Variants in MIOS observed in about 807,000 individuals in gnomAD.
MIOS encodes meiosis regulator for oocyte development.
Under a neutral mutation model 96.9 loss-of-function variants are expected in MIOS, and 52 were observed. That is an observed-to-expected ratio of 0.54 (90% CI 0.43 to 0.68). The LOEUF (loss-of-function observed/expected upper bound fraction) is 0.68, where lower values mean the gene tolerates loss of function less well. Ranked by LOEUF, MIOS falls within the 30% of genes least tolerant of loss-of-function variation. The probability of loss-of-function intolerance (pLI) is 0.00; values close to 1 mark genes in which losing one functional copy is unlikely to be tolerated. For missense variants in MIOS, 1,005 were observed against 1,052.8 expected (o/e 0.95, Z 0.63); for synonymous variants, 397 against 359.5 (o/e 1.10, Z -1.18).
At chr7:7,598,619 G>A (rs1012324336) in intron 11 of MIOS, among the ~76,000 whole-genome samples, 2 of 152,094 alleles carry the variant, frequency 1.3e-5, no homozygotes, top group Non-Finnish European at 2.9e-5. Context: ...ACATATATGT[G>A]TATGAACTGA....
chr7:7,571,496 G>A lies in MIOS; in HGVS notation c.-40-940G>A, dbSNP rs542756916. Among the ~76,000 whole-genome samples, 14 of 152,184 alleles carry A rather than the reference G, an allele frequency of 9.2e-5. No homozygotes were observed. The East Asian group carries it at 2.7e-3, about 29-fold the overall frequency. On this transcript the variant is annotated intron_variant, in intron 3 of 12. Coordinates refer to ENST00000340080, the MANE Select transcript of MIOS (RefSeq NM_019005.4). Reference sequence around the variant, plus strand: ...TTTAATAGTTATATATTTCAGTGTAGGTTAAAAATATATTTAGCATAGCAT... The same window carrying A: ...TTTAATAGTTATATATTTCAGTGTAAGTTAAAAATATATTTAGCATAGCAT...
rs1210979582 is a variant in MIOS, at chr7:7,605,804, A to G, written c.2402-138A>G. On this transcript the variant is annotated intron_variant, in intron 11 of 12. Transcript: ENST00000340080. ...CATTCAGTTTCGCTTCATCTAAACT[A>G]GAACCTACCATCAAAATTGCTATTT... The G allele has an allele frequency of 4.3e-5, 36 of 837,362 alleles. 1 individual carries two copies. Among genetic ancestry groups the G allele is most frequent in the South Asian group, 2.3e-4 (11 of 48,384 alleles). The allele number at this position is 837,362 out of a possible 1,614,324, so 51.9% of individuals were successfully genotyped here.
intron 6 of MIOS, among the ~76,000 whole-genome samples, chr7:7,583,840 A>T (rs1298799459): frequency 6.6e-6 from 1 of 152,198 alleles, no homozygotes; most frequent in Non-Finnish European, 1.5e-5. Context: ...TGTTATAAAA[A>T]GCATACTTTG....
rs2115430634 is a variant in MIOS at position 7,588,528 on chromosome 7, G to A, written c.1849G>A (p.Val617Met). Reference protein sequence around the residue: ...YENKVAVRDRVAFACKFLSDT... With the variant: ...YENKVAVRDRMAFACKFLSDT... Reference sequence around the variant, plus strand: ...AAACAAAGTTGCAGTACGTGACAGAGTGGCATTTGCTTGTAAATTCCTTAG... The same window carrying A: ...AAACAAAGTTGCAGTACGTGACAGAATGGCATTTGCTTGTAAATTCCTTAG... Residue 617 changes from valine (V) to methionine (M), a missense_variant, in exon 8 of 13, where the codon GTG becomes ATG. Coordinates refer to ENST00000340080, the MANE Select transcript of MIOS (RefSeq NM_019005.4). The A allele has an allele frequency of 6.3e-7, 1 of 1,593,532 alleles. No individual in the cohort carries two copies. The highest frequency in any genetic ancestry group is 2.3e-5 in the East Asian group (1 of 44,280).
chr7:7,583,282 G>A lies in MIOS; in HGVS notation c.1558G>A (p.Glu520Lys). 3 of 1,614,106 alleles carry A rather than the reference G, an allele frequency of 1.9e-6. No homozygotes were observed. Among genetic ancestry groups the A allele is most frequent in the Non-Finnish European group, 2.5e-6 (3 of 1,180,000 alleles). Residue 520 changes from glutamate (E) to lysine (K), a missense_variant, in exon 6 of 13, where the codon GAA becomes AAA. Physicochemically the swap from Glu to Lys is moderately conservative, Grantham distance 56 (BLOSUM62 1). Transcript: ENST00000340080. ...PFLNSLVQEGEWERAAAVALF... is the reference protein window; with the variant it reads ...PFLNSLVQEGKWERAAAVALF... ...TTTGAACTCCCTTGTACAAGAAGGG[G>A]AATGGGAAAGAGCTGCTGCTGTGGC...
intron 11 of MIOS, 130 bp from the exon 12 acceptor site, chr7:7,605,812 C>T (rs994418658): frequency 3.7e-5 from 32 of 874,572 alleles, no homozygotes; most frequent in Non-Finnish European, 4.0e-5. Flanking sequence ...CTAGAACCTA[C>T]CATCAAAATT....
At chr7:7,588,462 C>T in intron 7 of MIOS, 36 bp from the exon 8 acceptor site, 1 of 1,456,672 alleles carries the variant, frequency 6.9e-7, no homozygotes, top group Non-Finnish European at 9.3e-7. Flanking sequence ...ACCAGTGCGC[C>T]TAGAAGTAAC....
At chr7:7,579,015 C>A (rs978722541) in intron 5 of MIOS, among the ~76,000 whole-genome samples, 3 of 152,074 alleles carry the variant, frequency 2.0e-5, no homozygotes, top group Admixed American at 6.5e-5. Flanking sequence ...CTGGCCTAAA[C>A]CCTGATTTTT....
In MIOS at chr7:7,583,737, AT is replaced by A. The variant is rs1783801458; in HGVS notation, c.1648+368del. On this transcript the variant is annotated intron_variant, in intron 6 of 12. Transcript: ENST00000340080. Reference sequence around the variant, plus strand: ...GCCTACAAGTATTTTTACGATCCATATTTGAGTGTTTTAGTTTATACTTTCT... The same window carrying A: ...GCCTACAAGTATTTTTACGATCCATATTGAGTGTTTTAGTTTATACTTTCT... 5.9e-5 allele frequency among the ~76,000 whole-genome samples: 9 copies of A among 152,278 alleles called. 1 individual carries two copies. The South Asian group carries it at 1.9e-3, about 32-fold the overall frequency.
At chr7:7,587,640 A>G (rs929797323) in intron 7 of MIOS, among the ~76,000 whole-genome samples, 5 of 152,190 alleles carry the variant, frequency 3.3e-5, no homozygotes, top group African/African-American at 1.2e-4. Context: ...AAAATTTTGT[A>G]ACATATGCAA....
rs1160014676 is a variant in MIOS at position 7,580,124 on chromosome 7, TA to T, written c.1394-2992del. The stretch of plus-strand genomic sequence containing the variant: ...GAGAGATATGAAAATACACACCTTA[TA>T]ATACATCTCAGCCTCTACCTGAAAT... On this transcript the variant is annotated intron_variant, in intron 5 of 12. Coordinates refer to ENST00000340080, the MANE Select transcript of MIOS (RefSeq NM_019005.4). 7.9e-5 allele frequency among the ~76,000 whole-genome samples: 12 copies of T among 152,364 alleles called. No homozygotes were observed. In the East Asian group the frequency reaches 2.3e-3, roughly 29 times the overall value.
At chr7:7,606,106 G>C in intron 12 of MIOS, 35 bp downstream of exon 12, 1 of 1,610,856 alleles carries the variant, frequency 6.2e-7, no homozygotes, top group Middle Eastern at 1.7e-4. Flanking sequence ...TAGGCTTGGA[G>C]TTATGGGGGA....
rs528737913 is a variant in MIOS, at chr7:7,582,720, G to C, written c.1394-398G>C. Reference sequence around the variant, plus strand: ...AAACAGACAAGACACCTGCCCTTTTGGAGCTTATGCGCTACTGGGAGAAGA... The same window carrying C: ...AAACAGACAAGACACCTGCCCTTTTCGAGCTTATGCGCTACTGGGAGAAGA... On this transcript the variant is annotated intron_variant, in intron 5 of 12. Transcript: ENST00000340080. 29 of 595,248 alleles carry C rather than the reference G, an allele frequency of 4.9e-5. No individual in the cohort carries two copies. In the South Asian group the frequency reaches 2.0e-3, roughly 41 times the overall value. 36.9% of individuals were successfully genotyped at this position (595,248 alleles called of 1,614,324 possible).
chr7:7,597,480 A>AAATTT (rs1294868709), intron 11 of MIOS, among the ~76,000 whole-genome samples: 1 of 32,920 alleles, frequency 3.0e-5, no homozygotes. Context: ...ATATATATAT[A>AAATTT]TATATATATA....
intron 5 of MIOS, among the ~76,000 whole-genome samples, chr7:7,578,652 T>C (rs140386288): frequency 1.6e-3 from 241 of 152,238 alleles, no homozygotes; most frequent in African/African-American, 5.7e-3. Flanking sequence ...ATGAAACAAA[T>C]TAGTAGCTAC....
chr7:7,589,661 C>T, intron 9 of MIOS, 98 bp downstream of exon 9: 1 of 1,320,778 alleles, frequency 7.6e-7, no homozygotes, highest in Admixed American at 2.2e-5. Flanking sequence ...TGCTTAGGAT[C>T]TTTAGAAGGC....
chr7:7,589,914 C>G (rs942016263), intron 9 of MIOS, among the ~76,000 whole-genome samples: 6 of 152,166 alleles, frequency 3.9e-5, no homozygotes, highest in Middle Eastern at 3.2e-3. Flanking sequence ...TATAGTCTTA[C>G]TTGAAGTGCT....
Position 7,576,889 on chromosome 7 carries a change from A to G in MIOS, c.1393+2693A>G, listed in dbSNP as rs79478348. 3.5e-3 allele frequency among the ~76,000 whole-genome samples: 538 copies of G among 152,304 alleles called. 9 individuals carry two copies. The highest frequency in any genetic ancestry group is 0.011 in the African/African-American group (466 of 41,576). ...AGATAAAGGGGTGGAGAAGATGGAA[A>G]AGTCAAAGGTAGCACACATATATTT... On this transcript the variant is annotated intron_variant, in intron 5 of 12. Transcript: ENST00000340080.
intron 11 of MIOS, among the ~76,000 whole-genome samples, chr7:7,596,691 T>C (rs980530001): frequency 6.6e-6 from 1 of 152,198 alleles, no homozygotes; most frequent in South Asian, 2.1e-4. Flanking sequence ...CAATTTAAAG[T>C]TTGTGAGAAA....
Sources: gnomAD v4.1 joint callset for allele counts (sites outside exome capture counted in the v4.1 genomes callset) on GRCh38, gnomAD v4.1.1 for gene constraint, MANE v1.5 for transcripts, NCBI Gene and HGNC (gene_info 2026-07-23, HGNC 2026-07-21) for gene names.